The following NAT10 variants were observed in gnomAD, a reference collection of about 807,000 sequenced individuals.
NAT10 encodes the protein RNA cytidine acetyltransferase.
Under a neutral mutation model 132.2 loss-of-function variants are expected in NAT10, and 109 were observed. That is an observed-to-expected ratio of 0.82 (90% CI 0.71 to 0.97). The LOEUF is 0.97. Ranked by LOEUF, NAT10 falls within the 50% of genes least tolerant of loss-of-function variation. The pLI, the probability that NAT10 is intolerant of heterozygous loss-of-function variation, is 0.00. For missense variants in NAT10, 1,184 were observed against 1,263.4 expected (o/e 0.94, Z 0.95); for synonymous variants, 479 against 478.0 (o/e 1.00, Z -0.03).
At chr11:34,108,929 T>G in intron 3 of NAT10, 96 bp downstream of exon 3, 7 of 1,052,084 alleles carry the variant, frequency 6.7e-6, no homozygotes, top group Non-Finnish European at 5.5e-6. Context: ...TTTAAGGGTC[T>G]TTAGTGGAGG....
intron 3 of NAT10, 63 bp from the exon 4 acceptor site, chr11:34,111,989 G>T: frequency 1.3e-6 from 2 of 1,589,960 alleles, no homozygotes; most frequent in Non-Finnish European, 1.7e-6. Flanking sequence ...CTTTCCCCTG[G>T]TTCCAGCTCT....
chr11:34,139,413 C>G lies in NAT10; in HGVS notation c.2337C>G (p.Leu779=). The change falls in exon 23 of 29, where the codon CTC becomes CTG. Residue 779 remains leucine, a synonymous_variant. Transcript: ENST00000257829. ...TCCGACGGCGGTTCCTAGCCTTGCT[C>G]TCCTACCAGTTCAGTACCTTCTCTC... ...KDFRRRFLAL[L]SYQFSTFSPS... is the part of the protein sequence containing the mutation. The G allele has an allele frequency of 6.2e-7, 1 of 1,614,162 alleles. No individual in the cohort carries two copies. Among genetic ancestry groups the G allele is most frequent in the Non-Finnish European group, 8.5e-7 (1 of 1,180,040 alleles).
chr11:34,108,443 G>C lies in NAT10; in HGVS notation c.108+110G>C, dbSNP rs974055454. On this transcript the variant is annotated intron_variant, in intron 2 of 28. Transcript: ENST00000257829. The stretch of plus-strand genomic sequence containing the variant: ...TAATGGCATTAAGATCTCTTTGGCT[G>C]GTAAGATGCCTAGTGGGAACCTTTC... 1.6e-5 allele frequency: 14 copies of C among 878,852 alleles called. No homozygotes were observed. The African/African-American group carries it at 2.2e-4, about 14-fold the overall frequency. 54.4% of individuals were successfully genotyped at this position (878,852 alleles called of 1,614,324 possible). A position where few individuals can be genotyped will look rare whatever the true frequency, so the allele number is the denominator to read the frequency against.
intron 7 of NAT10, 27 bp from the exon 8 acceptor site, chr11:34,118,369 A>C: frequency 6.2e-7 from 1 of 1,611,968 alleles, no homozygotes; most frequent in Non-Finnish European, 8.5e-7. Context: ...ACAGTGACAG[A>C]CCTTCCCCTT....
At chr11:34,107,915 T>C (rs1008572652) in intron 1 of NAT10, among the ~76,000 whole-genome samples, 3 of 152,278 alleles carry the variant, frequency 2.0e-5, no homozygotes, top group Non-Finnish European at 4.4e-5. Context: ...TCTCCTTATG[T>C]ATTTTAGTCA....
At chr11:34,122,697 C>T (rs940969927) in intron 9 of NAT10, 105 bp downstream of exon 9, 38 of 1,449,328 alleles carry the variant, frequency 2.6e-5, no homozygotes, top group Non-Finnish European at 3.5e-5. Context: ...GTTCTGAGTT[C>T]TGAGTGGGTT....
At chr11:34,142,024 G>A (rs1852343675) in intron 26 of NAT10, 1 of 621,722 alleles carries the variant, frequency 1.6e-6, no homozygotes, top group African/African-American at 1.8e-5. Context: ...CTGATTGTGT[G>A]TGTGTGTTGT....
intron 2 of NAT10, 68 bp from the exon 3 acceptor site, chr11:34,108,674 G>A: frequency 7.1e-7 from 1 of 1,401,058 alleles, no homozygotes; most frequent in Non-Finnish European, 9.9e-7. Flanking sequence ...CGTCAAATGA[G>A]GTCTTAAGCC....
At chr11:34,119,873 G>A (rs954922143) in intron 8 of NAT10, among the ~76,000 whole-genome samples, 2 of 152,196 alleles carry the variant, frequency 1.3e-5, no homozygotes, top group East Asian at 1.9e-4. Context: ...TTTAGGATAC[G>A]TTTCCAGAAG....
chr11:34,141,285 C>A, intron 25 of NAT10, 77 bp downstream of exon 25: 1 of 1,587,790 alleles, frequency 6.3e-7, no homozygotes, highest in Non-Finnish European at 8.6e-7. Flanking sequence ...CCGAGATGAA[C>A]ACATGTTAGC....
intron 13 of NAT10, 148 bp from the exon 14 acceptor site, chr11:34,131,233 A>T: frequency 8.3e-7 from 1 of 1,202,910 alleles, no homozygotes. Context: ...TCCACCAAAA[A>T]CAATTTTAAA....
At chr11:34,131,552 C>T (rs771065006) in intron 14 of NAT10, 21 bp downstream of exon 14, 1 of 1,599,688 alleles carries the variant, frequency 6.3e-7, no homozygotes, top group South Asian at 1.1e-5. Context: ...CTGGGTTTCA[C>T]TGGCCCTGTG....
intron 16 of NAT10, among the ~76,000 whole-genome samples, chr11:34,133,411 T>C (rs1852142604): frequency 6.6e-6 from 1 of 152,210 alleles, no homozygotes; most frequent in Non-Finnish European, 1.5e-5. Context: ...ACAAACAGAC[T>C]TGTTTGTTTT....
At chr11:34,132,383 T>C (rs929196304) in intron 15 of NAT10, among the ~76,000 whole-genome samples, 162 bp downstream of exon 15, 10 of 152,216 alleles carry the variant, frequency 6.6e-5, no homozygotes, top group Admixed American at 6.5e-4. Flanking sequence ...GTATAGAGCA[T>C]GTAGCTCCAT....
Position 34,134,591 on chromosome 11 carries a change from T to C in NAT10, c.1911+5T>C, listed in dbSNP as rs1852175307. 1.2e-6 allele frequency: 2 copies of C among 1,614,004 alleles called. No homozygotes were observed. Among genetic ancestry groups the C allele is most frequent in the Non-Finnish European group, 1.7e-6 (2 of 1,179,990 alleles). ...GTTCACCCAGATTATCAAGGGGTAATGTGTCCTCAGGCTCCCCTGAAGCCG... is the reference window on the plus strand; with the variant it reads ...GTTCACCCAGATTATCAAGGGGTAACGTGTCCTCAGGCTCCCCTGAAGCCG... On this transcript the variant is annotated splice_donor_5th_base_variant and intron_variant, in intron 18 of 28. Transcript: ENST00000257829.
Position 34,140,468 on chromosome 11 carries a change from C to T in NAT10, c.2488C>T (p.Arg830Trp), listed in dbSNP as rs201422965. The change falls in exon 24 of 29, where the codon CGG becomes TGG. Residue 830 changes from arginine to tryptophan, a missense_variant. Physicochemically the swap from Arg to Trp is moderately radical, Grantham distance 101 (BLOSUM62 -3). Transcript: ENST00000257829. Reference protein sequence around the residue: ...YDLKRLEMYSRNMVDYHLIMD... With the variant: ...YDLKRLEMYSWNMVDYHLIMD... ...CCTGAAGCGGCTGGAGATGTATTCA[C>T]GGAATATGGTGGACTATCACCTCAT... 1.8e-5 allele frequency: 29 copies of T among 1,614,174 alleles called. No individual in the cohort carries two copies. The highest frequency in any genetic ancestry group is 6.7e-5 in the East Asian group (3 of 44,892).
chr11:34,136,084 A>G (rs1204629291), intron 19 of NAT10, among the ~76,000 whole-genome samples: 8 of 141,138 alleles, frequency 5.7e-5, no homozygotes, highest in African/African-American at 1.6e-4. Flanking sequence ...TCTGTTGGGC[A>G]TTTTTTTTTT....
In NAT10 at chr11:34,136,511, C is replaced by T. The variant is rs926977283; in HGVS notation, c.2029-131C>T. On this transcript the variant is annotated intron_variant, in intron 19 of 28. Transcript: ENST00000257829. ...TCCGGTGTTCTCATAGTTTGAAAAC[C>T]ACAGCAATAAACCAAGAAACCTCTC... 4.8e-5 allele frequency: 50 copies of T among 1,047,624 alleles called. No individual in the cohort carries two copies. The African/African-American group carries it at 7.2e-4, about 15-fold the overall frequency. The allele number at this position is 1,047,624 out of a possible 1,614,324, so 64.9% of individuals were successfully genotyped here. A position where few individuals can be genotyped will look rare whatever the true frequency, so the allele number is the denominator to read the frequency against.
Position 34,130,873 on chromosome 11 carries a change from C to T in NAT10, c.1305C>T (p.Ser435=), listed in dbSNP as rs371727507. Residue 435 remains serine (S), a synonymous_variant, in exon 13 of 29, where the codon AGC becomes AGT. Coordinates refer to ENST00000257829, the MANE Select transcript of NAT10 (RefSeq NM_024662.3). ...TAATTCAGCAGCTCCGTCAACAGAG[C>T]GCCCAGAGCCAGGTCAGCACCACTG... ...LKLIQQLRQQ[S]AQSQVSTTAE... 6.2e-6 allele frequency: 10 copies of T among 1,614,164 alleles called. No individual in the cohort carries two copies. The highest frequency in any genetic ancestry group is 1.6e-4 in the Middle Eastern group (1 of 6,062).
Sources: allele counts gnomAD v4.1 joint callset (sites outside exome capture counted in the v4.1 genomes callset), GRCh38; gene constraint gnomAD v4.1.1; transcripts MANE v1.5; gene names NCBI Gene and HGNC (gene_info 2026-07-23, HGNC 2026-07-21).